The following STPG2 variants were observed in gnomAD, a reference collection of about 807,000 sequenced individuals.
STPG2 encodes sperm-tail PG-rich repeat-containing protein 2.
Under a neutral mutation model 54.2 loss-of-function variants are expected in STPG2, and 56 were observed. That is an observed-to-expected ratio of 1.03 (90% CI 0.83 to 1.29). The LOEUF is 1.29. STPG2 is among the 50% of genes most tolerant of loss of function. The probability of loss-of-function intolerance (pLI) is 0.00; values close to 1 mark genes in which losing one functional copy is unlikely to be tolerated. For missense variants in STPG2, 596 were observed against 544.9 expected (o/e 1.09, Z -0.93); for synonymous variants, 200 against 181.8 (o/e 1.10, Z -0.81).
chr4:97,905,306 A>G (rs1731362586), intron 8 of STPG2, among the ~76,000 whole-genome samples: 3 of 152,368 alleles, frequency 2.0e-5, no homozygotes, highest in Admixed American at 1.3e-4. Context: ...AATATTCAAC[A>G]TTCTTAAAGA....
At chr4:98,000,368 A>G (rs746765999) in intron 5 of STPG2, among the ~76,000 whole-genome samples, 34 of 152,130 alleles carry the variant, frequency 2.2e-4, no homozygotes, top group Non-Finnish European at 2.2e-4. Context: ...ATATGATTAT[A>G]CTTGACACTA....
intron 9 of STPG2, among the ~76,000 whole-genome samples, chr4:97,795,522 G>T (rs545671458): frequency 5.3e-5 from 8 of 152,304 alleles, no homozygotes; most frequent in African/African-American, 1.7e-4. Context: ...CAAAGGACAT[G>T]AACTCATCTT....
rs184879122 is a variant in STPG2, at chr4:97,961,139, G to A, written c.933+11141C>T. On this transcript the variant is annotated intron_variant, in intron 7 of 10. Coordinates refer to ENST00000295268, the MANE Select transcript of STPG2 (RefSeq NM_174952.3). ...CAACAAACGTGCTGGGAAAATTGGC[G>A]AGCCAAATGTAGGAGAATGAAACTG... 4.3e-3 allele frequency among the ~76,000 whole-genome samples: 643 copies of A among 149,714 alleles called. 3 individuals are homozygous for A. Among genetic ancestry groups the A allele is most frequent in the South Asian group, 0.025 (117 of 4,760 alleles).
chr4:97,977,872 A>G (rs1734546923), intron 6 of STPG2, among the ~76,000 whole-genome samples: 1 of 152,218 alleles, frequency 6.6e-6, no homozygotes, highest in Non-Finnish European at 1.5e-5. Context: ...AAAGGCCTTG[A>G]GGAGACTGCT....
chr4:97,494,305 G>A (rs1730562854), intron 4 of STPG2, among the ~76,000 whole-genome samples: 1 of 151,468 alleles, frequency 6.6e-6, no homozygotes. Flanking sequence ...GCTCATAAAT[G>A]CCTTCCTCAC....
At chr4:97,859,361 A>G (rs563220953) in intron 8 of STPG2, among the ~76,000 whole-genome samples, 3 of 151,570 alleles carry the variant, frequency 2.0e-5, no homozygotes, top group Non-Finnish European at 4.4e-5. Flanking sequence ...TGGGATGTAC[A>G]TTTACTCTGC....
At chr4:97,528,278 T>C (rs779267519) in intron 4 of STPG2, among the ~76,000 whole-genome samples, 1 of 152,206 alleles carries the variant, frequency 6.6e-6, no homozygotes, top group Non-Finnish European at 1.5e-5. Context: ...ATTGCTTGTT[T>C]TTGTCAGGTT....
chr4:97,812,652 T>A (rs531341387), intron 9 of STPG2, among the ~76,000 whole-genome samples: 1 of 152,236 alleles, frequency 6.6e-6, no homozygotes, highest in African/African-American at 2.4e-5. Flanking sequence ...TAGTTCCTCC[T>A]CCCTATCTGA....
At chr4:98,139,053 G>A (rs1740208451) in intron 1 of STPG2, among the ~76,000 whole-genome samples, 1 of 152,056 alleles carries the variant, frequency 6.6e-6, no homozygotes, top group Non-Finnish European at 1.5e-5. Flanking sequence ...AGAGATGTTT[G>A]CTTCTCAGGT....
At chr4:97,926,396 T>C (rs1000292530) in intron 8 of STPG2, among the ~76,000 whole-genome samples, 1 of 152,108 alleles carries the variant, frequency 6.6e-6, no homozygotes, top group Non-Finnish European at 1.5e-5. Context: ...CAAGAAGGGC[T>C]CTCTCTTTCA....
chr4:98,082,317 A>G (rs1238843508), intron 5 of STPG2, among the ~76,000 whole-genome samples: 1 of 150,404 alleles, frequency 6.6e-6, no homozygotes, highest in Non-Finnish European at 1.5e-5. Context: ...TAAAGGAAAT[A>G]TGAGAAAAGT....
intron 9 of STPG2, among the ~76,000 whole-genome samples, chr4:97,729,144 A>G (rs1351011322): frequency 6.7e-6 from 1 of 148,286 alleles, no homozygotes; most frequent in Non-Finnish European, 1.5e-5. Flanking sequence ...TAGATCTTAA[A>G]ATCCTCATCC....
intron 5 of STPG2, among the ~76,000 whole-genome samples, chr4:98,017,594 A>C (rs1187172627): frequency 6.6e-6 from 1 of 152,140 alleles, no homozygotes; most frequent in Non-Finnish European, 1.5e-5. Context: ...TATGTGCTCC[A>C]TGTAGATACT....
intron 9 of STPG2, among the ~76,000 whole-genome samples, chr4:97,758,165 C>T (rs903116935): frequency 1.4e-4 from 21 of 152,016 alleles, no homozygotes; most frequent in Admixed American, 7.2e-4. Context: ...ATTAAAGTAC[C>T]TTAAGGGGCC....
intron 9 of STPG2, among the ~76,000 whole-genome samples, chr4:97,794,930 T>A (rs1727117186): frequency 6.6e-6 from 1 of 152,160 alleles, no homozygotes; most frequent in African/African-American, 2.4e-5. Flanking sequence ...GGTTTTGTAA[T>A]TCCTTGACTA....
intron 9 of STPG2, among the ~76,000 whole-genome samples, chr4:97,723,892 A>G (rs546659731): frequency 6.6e-6 from 1 of 152,278 alleles, no homozygotes; most frequent in Non-Finnish European, 1.5e-5. Flanking sequence ...TGATCCAATC[A>G]CCTCCAACCA....
chr4:97,658,514 G>A (rs768418273), intron 10 of STPG2, among the ~76,000 whole-genome samples: 1 of 152,090 alleles, frequency 6.6e-6, no homozygotes. Context: ...CAACTCTCAG[G>A]GCAGGGTAAG....
In STPG2 at chr4:97,945,745, T is replaced by C. The variant is rs1733190274; in HGVS notation, c.934-1738A>G. 2.0e-5 allele frequency among the ~76,000 whole-genome samples: 3 copies of C among 152,244 alleles called. No individual in the cohort carries two copies. The South Asian group carries it at 6.2e-4, about 32-fold the overall frequency. The stretch of plus-strand genomic sequence containing the variant: ...TTTTTTTGGGTTTGTTTATTGGTTT[T>C]TGTTCGTTACTTTTTAACACTGGCC... On this transcript the variant is annotated intron_variant, in intron 7 of 10. Transcript: ENST00000295268.
chr4:97,899,600 T>A (rs915102761), intron 8 of STPG2, among the ~76,000 whole-genome samples: 2 of 149,228 alleles, frequency 1.3e-5, no homozygotes, highest in African/African-American at 2.4e-5. Flanking sequence ...ACCAAAACAG[T>A]GTGGTAATAG....
Sources: allele counts gnomAD v4.1 joint callset (sites outside exome capture counted in the v4.1 genomes callset), GRCh38; gene constraint gnomAD v4.1.1; transcripts MANE v1.5; gene names NCBI Gene and HGNC (gene_info 2026-07-23, HGNC 2026-07-21).